Variants in MRTFA observed in about 807,000 individuals in gnomAD.
The protein encoded by MRTFA is myocardin-related transcription factor A.
Under a neutral mutation model 83.5 loss-of-function variants are expected in MRTFA, and 20 were observed. The observed-to-expected ratio is 0.24, with a 90% confidence interval of 0.17 to 0.35. MRTFA has a LOEUF of 0.35. Among genes scored for constraint, MRTFA ranks in the 10% least tolerant of loss-of-function variants. The pLI is 1.00. For synonymous variants in MRTFA, 659 were observed against 541.2 expected (o/e 1.22, Z -3.02); for missense variants, 1,200 against 1,224.7 (o/e 0.98, Z 0.30).
rs921658191 is a variant in MRTFA, at chr22:40,575,819, C to T, written c.-22+18855G>A. Among the ~76,000 whole-genome samples, 6 of 152,160 alleles carry T rather than the reference C, an allele frequency of 3.9e-5. No individual in the cohort carries two copies. The East Asian group carries it at 1.2e-3, about 29-fold the overall frequency. ...AAAACTGCAATTATTTTTTTGCCAACCTAATATTTATCCCGATGAGTATAA... is the reference window on the plus strand; with the variant it reads ...AAAACTGCAATTATTTTTTTGCCAATCTAATATTTATCCCGATGAGTATAA... On this transcript the variant is annotated intron_variant, in intron 2 of 14. Coordinates refer to ENST00000355630, the MANE Select transcript of MRTFA (RefSeq NM_020831.6).
At chr22:40,476,831 T>C (rs1039126098) in intron 3 of MRTFA, among the ~76,000 whole-genome samples, 3 of 152,098 alleles carry the variant, frequency 2.0e-5, no homozygotes, top group Non-Finnish European at 2.9e-5. Flanking sequence ...GTAAGCACAG[T>C]GTACACTGTG....
At position 40,535,365 on chromosome 22, in the gene MRTFA, TC is replaced by T. The variant is rs869232710; in HGVS notation, c.241+16740del. Reference sequence around the variant, plus strand: ...GGTTTTTTCTTTTTTTTTTTTTTTTTCTTTTTGAGACTAGGTCTCACTCTGT... The same window carrying T: ...GGTTTTTTCTTTTTTTTTTTTTTTTTTTTTTGAGACTAGGTCTCACTCTGT... On this transcript the variant is annotated intron_variant, in intron 3 of 14. Transcript: ENST00000355630. Among the ~76,000 whole-genome samples the T allele has an allele frequency of 4.3e-4, 59 of 137,114 alleles. 6 individuals carry two copies. In the East Asian group the frequency reaches 4.9e-3, roughly 11 times the overall value. 90.0% of individuals were successfully genotyped at this position (137,114 alleles called of 152,430 possible).
intron 5 of MRTFA, among the ~76,000 whole-genome samples, chr22:40,434,228 T>C (rs571232315): frequency 2.6e-5 from 4 of 152,270 alleles, no homozygotes; most frequent in South Asian, 2.1e-4. Flanking sequence ...AACGCCATCC[T>C]TTCCCCCAAC....
chr22:40,607,025 C>T (rs62236976), intron 1 of MRTFA, among the ~76,000 whole-genome samples: 1 of 152,174 alleles, frequency 6.6e-6, no homozygotes, highest in Non-Finnish European at 1.5e-5. Flanking sequence ...AGATAGCATA[C>T]ATGAAAGCAC....
intron 3 of MRTFA, among the ~76,000 whole-genome samples, chr22:40,514,836 T>C (rs777209875): frequency 4.9e-4 from 75 of 151,936 alleles, no homozygotes; most frequent in Non-Finnish European, 1.3e-4. Context: ...AACATTTCTT[T>C]GGAGAAATAG....
At chr22:40,425,030 G>C (rs1045490504) in intron 7 of MRTFA, among the ~76,000 whole-genome samples, 6 of 152,368 alleles carry the variant, frequency 3.9e-5, no homozygotes, top group Admixed American at 3.3e-4. Context: ...CTAGAGGCCA[G>C]TGGCTCACAG....
chr22:40,574,512 G>A (rs968267764), intron 2 of MRTFA, among the ~76,000 whole-genome samples: 1 of 151,132 alleles, frequency 6.6e-6, no homozygotes, highest in African/African-American at 2.4e-5. Context: ...TCGGCTCACT[G>A]CAACCTCTGC....
chr22:40,477,387 T>C (rs1937763572), intron 3 of MRTFA, among the ~76,000 whole-genome samples: 1 of 151,396 alleles, frequency 6.6e-6, no homozygotes, highest in Admixed American at 6.6e-5. Context: ...AGAAATGACC[T>C]CTAAGGGGAG....
At chr22:40,506,513 G>A (rs2054582647) in intron 3 of MRTFA, among the ~76,000 whole-genome samples, 1 of 152,120 alleles carries the variant, frequency 6.6e-6, no homozygotes, top group Non-Finnish European at 1.5e-5. Context: ...AAGAAACTGT[G>A]GTATTTATCC....
Position 40,448,549 on chromosome 22 carries a change from T to C in MRTFA, c.308-12995A>G, listed in dbSNP as rs530747743. On this transcript the variant is annotated intron_variant, in intron 4 of 14. Coordinates refer to ENST00000355630, the MANE Select transcript of MRTFA (RefSeq NM_020831.6). ...ATAACAGACAACAGTGATTTTAATC[T>C]AGTCTTTCACATTTGGCCATCTTTT... Among the ~76,000 whole-genome samples the C allele has an allele frequency of 9.2e-5, 14 of 152,340 alleles. No homozygotes were observed. In the East Asian group the frequency reaches 2.7e-3, roughly 29 times the overall value.
intron 4 of MRTFA, among the ~76,000 whole-genome samples, chr22:40,439,405 T>A (rs1261675976): frequency 6.8e-6 from 1 of 146,932 alleles, no homozygotes. Flanking sequence ...CTTGGGAGGC[T>A]GAGGCAGGAG....
chr22:40,449,698 T>TG (rs2053451879), intron 4 of MRTFA, among the ~76,000 whole-genome samples: 1 of 152,246 alleles, frequency 6.6e-6, no homozygotes, highest in African/African-American at 2.4e-5. Flanking sequence ...AAGAAGGACT[T>TG]GCTGAATTTT....
At chr22:40,459,994 G>A (rs1484533185) in intron 4 of MRTFA, among the ~76,000 whole-genome samples, 1 of 151,706 alleles carries the variant, frequency 6.6e-6, no homozygotes, top group Non-Finnish European at 1.5e-5. Flanking sequence ...CTAGGCTGGA[G>A]TGCGGTGGTG....
At chr22:40,632,120 G>A (rs2056647935) in intron 1 of MRTFA, among the ~76,000 whole-genome samples, 1 of 152,194 alleles carries the variant, frequency 6.6e-6, no homozygotes, top group South Asian at 2.1e-4. Flanking sequence ...CAAGCTGGCT[G>A]CCATGCCATG....
chr22:40,466,969 G>GCATA (rs1555976072), intron 3 of MRTFA, among the ~76,000 whole-genome samples: 3 of 150,092 alleles, frequency 2.0e-5, no homozygotes, highest in African/African-American at 7.3e-5. Flanking sequence ...TATTATGCAT[G>GCATA]TATATATATA....
At chr22:40,542,586 A>G (rs141911687) in intron 3 of MRTFA, among the ~76,000 whole-genome samples, 60 of 152,368 alleles carry the variant, frequency 3.9e-4, no homozygotes, top group Middle Eastern at 3.4e-3. Flanking sequence ...AAATGGTCAA[A>G]TTATTTAAGC....
intron 3 of MRTFA, among the ~76,000 whole-genome samples, chr22:40,500,329 TAC>T (rs201701657): frequency 0.09 from 11,710 of 130,534 alleles, 716 homozygotes; most frequent in East Asian, 0.26. Flanking sequence ...TTTTTTTTGT[TAC>T]AGTTTTTATT....
intron 4 of MRTFA, among the ~76,000 whole-genome samples, chr22:40,456,621 A>G (rs1247529881): frequency 6.6e-6 from 1 of 152,250 alleles, no homozygotes; most frequent in Non-Finnish European, 1.5e-5. Flanking sequence ...CAGGAGGCAG[A>G]GGTTGCAGTG....
intron 4 of MRTFA, among the ~76,000 whole-genome samples, chr22:40,459,820 CACATATATACATATATATAT>C (rs2053668713): frequency 1.2e-5 from 1 of 82,938 alleles, no homozygotes; most frequent in African/African-American, 5.6e-5. Flanking sequence ...CACACACACA[CACATATATACATATATATAT>C]ATATATATAT....
Sources: allele counts gnomAD v4.1 joint callset (sites outside exome capture counted in the v4.1 genomes callset), GRCh38; gene constraint gnomAD v4.1.1; transcripts MANE v1.5; gene names NCBI Gene and HGNC (gene_info 2026-07-23, HGNC 2026-07-21).